ZNF496: variants seen among roughly 807,000 people sequenced by gnomAD.
ZNF496 encodes the protein NSD1 (nuclear receptor binding SET-domain containing 1)-interacting zinc finger protein 1.
ZNF496 carries 11 observed loss-of-function variants against 58.9 expected under a neutral mutation model. The ratio of observed to expected loss-of-function variants is 0.19; its 90% CI spans 0.12 to 0.31. The LOEUF (loss-of-function observed/expected upper bound fraction) is 0.31, where lower values mean the gene tolerates loss of function less well. Ranked by LOEUF, ZNF496 falls within the 10% of genes least tolerant of loss-of-function variation. The pLI is 1.00. For missense variants in ZNF496, 660 were observed against 783.0 expected (o/e 0.84, Z 1.88); for synonymous variants, 338 against 318.2 (o/e 1.06, Z -0.66).
chr1:247,301,287 G>A lies in ZNF496; in HGVS notation c.1007-11C>T. 6.6e-7 allele frequency: 1 copy of A among 1,506,938 alleles called. No individual in the cohort carries two copies. Among genetic ancestry groups the A allele is most frequent in the Non-Finnish European group, 8.8e-7 (1 of 1,132,590 alleles). 93.3% of individuals were successfully genotyped at this position (1,506,938 alleles called of 1,614,324 possible). A position where few individuals can be genotyped will look rare whatever the true frequency, so the allele number is the denominator to read the frequency against. On this transcript the variant is annotated splice_polypyrimidine_tract_variant and intron_variant, in intron 9 of 9. Transcript: ENST00000682384. The stretch of plus-strand genomic sequence containing the variant: ...GCGGGTTGCCGCCAGCTACAGGAAG[G>A]CAACATGCAGGTCAGCGACGCTGCA...
At chr1:247,311,022 G>A (rs987976510) in intron 6 of ZNF496, 3 of 152,552 alleles carry the variant, frequency 2.0e-5, no homozygotes, top group African/African-American at 2.4e-5. Flanking sequence ...AATCAGTTAC[G>A]GTTGAAACTC....
At chr1:247,322,795 T>A in intron 6 of ZNF496, 1 of 1,301,088 alleles carries the variant, frequency 7.7e-7, no homozygotes, top group Non-Finnish European at 1.0e-6. Context: ...ATTATTAAAT[T>A]GAAAAATTCT....
At chr1:247,328,945 C>G (rs1660226852) in intron 4 of ZNF496, 79 bp from the exon 5 acceptor site, 1 of 1,502,182 alleles carries the variant, frequency 6.7e-7, no homozygotes, top group Non-Finnish European at 8.9e-7. Flanking sequence ...ATCCACTCCA[C>G]AGCTGACCAT....
intron 9 of ZNF496, 115 bp from the exon 10 acceptor site, chr1:247,301,391 T>A: frequency 7.3e-7 from 1 of 1,372,618 alleles, no homozygotes. Flanking sequence ...TTTACAATGG[T>A]CCTCGGTGAC....
intron 9 of ZNF496, among the ~76,000 whole-genome samples, chr1:247,301,583 C>A (rs925001519): frequency 6.6e-6 from 1 of 152,158 alleles, no homozygotes; most frequent in African/African-American, 2.4e-5. Context: ...CCCCATCCCC[C>A]CAAGCTCTAG....
At position 247,323,217 on chromosome 1, in the gene ZNF496, A is replaced by C. The variant is rs1660017017; in HGVS notation, c.588T>G (p.Ala196=). 1.2e-6 allele frequency: 2 copies of C among 1,613,986 alleles called. No homozygotes were observed. Among genetic ancestry groups the C allele is most frequent in the East Asian group, 4.5e-5 (2 of 44,872 alleles). The change falls in exon 6 of 10, where the codon GCT becomes GCG. Residue 196 remains alanine (A), a synonymous_variant. Coordinates refer to ENST00000682384, the MANE Select transcript of ZNF496 (RefSeq NM_032752.3). ...GCACATTCTCTTCCTGAAGAAGGAA[A>C]GCATCTTGCAGAACTGAAAGAGATC... ...QLSGDPVLQD[A]FLLQEENVRD...
At position 247,329,664 on chromosome 1, in the gene ZNF496, T is replaced by A; in HGVS notation, c.-37-49A>T. ...GCTTCAGTGTTCTGGTCTCCTGTGG[T>A]CATTTCTGGGGGACAGTGACAAGGA... On this transcript the variant is annotated intron_variant, in intron 3 of 9. Transcript: ENST00000682384. This position sits in a 1 kb window ranked among gnomAD's most constrained non-coding sequence, Gnocchi z 5.5. 1 of 1,483,860 alleles carries A rather than the reference T, an allele frequency of 6.7e-7. No individual in the cohort carries two copies. Among genetic ancestry groups the A allele is most frequent in the Non-Finnish European group, 9.0e-7 (1 of 1,113,276 alleles). 91.9% of individuals were successfully genotyped at this position (1,483,860 alleles called of 1,614,324 possible). A position where few individuals can be genotyped will look rare whatever the true frequency, so the allele number is the denominator to read the frequency against.
chr1:247,321,469 C>T lies in ZNF496; in HGVS notation c.651+1685G>A, dbSNP rs75794429. On this transcript the variant is annotated intron_variant, in intron 6 of 9. Transcript: ENST00000682384. ...ACAACAATGTAAATATACTTAACACCACTGAACCGCACACTTAAAGACAGT... is the reference window on the plus strand; with the variant it reads ...ACAACAATGTAAATATACTTAACACTACTGAACCGCACACTTAAAGACAGT... Among the ~76,000 whole-genome samples, 10 of 152,108 alleles carry T rather than the reference C, an allele frequency of 6.6e-5. No individual in the cohort carries two copies. The East Asian group carries it at 1.9e-3, about 29-fold the overall frequency.
Position 247,329,742 on chromosome 1 carries a change from G to C in ZNF496, c.-37-127C>G. On this transcript the variant is annotated intron_variant, in intron 3 of 9. Coordinates refer to ENST00000682384, the MANE Select transcript of ZNF496 (RefSeq NM_032752.3). The surrounding 1 kb of genome is among the most constrained non-coding windows in gnomAD (Gnocchi z 5.5). ...CTTTGGAGAAGCCCTGGGAAAGGTA[G>C]GGAGTGTTGGTGTGGCTGGTCTTTA... 1.2e-6 allele frequency: 1 copy of C among 856,524 alleles called. No homozygotes were observed. Among genetic ancestry groups the C allele is most frequent in the East Asian group, 2.7e-5 (1 of 36,960 alleles). 53.1% of individuals were successfully genotyped at this position (856,524 alleles called of 1,614,324 possible).
Position 247,326,049 on chromosome 1 carries a change from T to TAC in ZNF496, c.574+2632_574+2633dup, listed in dbSNP as rs141893407. Among the ~76,000 whole-genome samples the TAC allele has an allele frequency of 5.1e-4, 49 of 95,344 alleles. 2 individuals carry two copies. Among genetic ancestry groups the TAC allele is most frequent in the South Asian group, 2.0e-3 (4 of 2,026 alleles). 62.5% of individuals were successfully genotyped at this position (95,344 alleles called of 152,430 possible). A position where few individuals can be genotyped will look rare whatever the true frequency, so the allele number is the denominator to read the frequency against. On this transcript the variant is annotated intron_variant, in intron 5 of 9. Coordinates refer to ENST00000682384, the MANE Select transcript of ZNF496 (RefSeq NM_032752.3). The stretch of plus-strand genomic sequence containing the variant: ...ATATATACACACGCATATATATATA[T>TAC]ACACACACACACACATATATACACA...
intron 6 of ZNF496, chr1:247,322,710 T>C (rs2103029651): frequency 7.8e-7 from 1 of 1,289,580 alleles, no homozygotes; most frequent in Admixed American, 2.3e-5. Context: ...CGTAGATCTG[T>C]GACAGGACTG....
chr1:247,308,143 G>T lies in ZNF496; in HGVS notation c.1006+332C>A. The T allele has an allele frequency of 4.2e-6, 2 of 473,832 alleles. No individual in the cohort carries two copies. The highest frequency in any genetic ancestry group is 5.5e-6 in the Non-Finnish European group (2 of 362,448). 29.4% of individuals were successfully genotyped at this position (473,832 alleles called of 1,614,324 possible). A position where few individuals can be genotyped will look rare whatever the true frequency, so the allele number is the denominator to read the frequency against. ...GGAGGGTGAGCCTGGGATTGGGAGT[G>T]AGCTGGAGAATGACCCCAGCACAAC... On this transcript the variant is annotated intron_variant, in intron 9 of 9. Transcript: ENST00000682384. The surrounding 1 kb of genome is among the most constrained non-coding windows in gnomAD (Gnocchi z 4.5).
rs1337948261 is a variant in ZNF496 at position 247,326,073 on chromosome 1, CACACACACACATATAT to C, written c.574+2594_574+2609del. On this transcript the variant is annotated intron_variant, in intron 5 of 9. Transcript: ENST00000682384. ...ATACACACACACACACATATATACA[CACACACACACATATAT>C]ACACACACATATATATACACACACA... Among the ~76,000 whole-genome samples, 75 of 146,514 alleles carry C rather than the reference CACACACACACATATAT, an allele frequency of 5.1e-4. 1 individual carries two copies. The South Asian group carries it at 0.016, about 31-fold the overall frequency.
At chr1:247,318,385 T>G (rs1659852903) in intron 6 of ZNF496, among the ~76,000 whole-genome samples, 1 of 152,182 alleles carries the variant, frequency 6.6e-6, no homozygotes, top group Admixed American at 6.5e-5. Context: ...TGTAAGAAGC[T>G]GAGCAAACTC....
intron 9 of ZNF496, among the ~76,000 whole-genome samples, chr1:247,302,568 C>T (rs1361836258): frequency 6.6e-6 from 1 of 152,018 alleles, no homozygotes; most frequent in African/African-American, 2.4e-5. Context: ...AGCGAGCCAC[C>T]CATCTCAGGT....
intron 6 of ZNF496, among the ~76,000 whole-genome samples, chr1:247,316,135 G>GT (rs1553270763): frequency 7.2e-6 from 1 of 139,830 alleles, no homozygotes; most frequent in South Asian, 2.4e-4. Flanking sequence ...CTGGGAGAGG[G>GT]GTGTGTGTGT....
chr1:247,310,558 G>A (rs1659568260), intron 6 of ZNF496, 102 bp from the exon 7 acceptor site: 2 of 1,445,438 alleles, frequency 1.4e-6, no homozygotes, highest in African/African-American at 2.8e-5. Context: ...AGGACGGGCA[G>A]TTTCTATACA....
intron 5 of ZNF496, among the ~76,000 whole-genome samples, chr1:247,325,572 C>A (rs1471722505): frequency 1.3e-5 from 2 of 152,172 alleles, no homozygotes; most frequent in African/African-American, 4.8e-5. Context: ...TATTTTTCAT[C>A]AACCTCACCA....
intron 7 of ZNF496, 196 bp downstream of exon 7, chr1:247,310,128 G>C: frequency 7.0e-7 from 1 of 1,435,992 alleles, no homozygotes. Context: ...GAGACAGCAG[G>C]TGATGGTCAA....
Sources: gnomAD v4.1 joint callset for allele counts (sites outside exome capture counted in the v4.1 genomes callset) on GRCh38, gnomAD v4.1.1 for gene constraint, Gnocchi (gnomAD v3.1) non-coding constraint, MANE v1.5 for transcripts, NCBI Gene and HGNC (gene_info 2026-07-23, HGNC 2026-07-21) for gene names.